Variants in KIF26B observed in about 807,000 individuals in gnomAD.
KIF26B encodes the protein kinesin family member 26B.
KIF26B carries 63 observed loss-of-function variants against 151.2 expected under a neutral mutation model. The observed-to-expected ratio is 0.42, with a 90% CI of 0.34 to 0.51. The LOEUF is 0.51. KIF26B is among the 20% of genes least tolerant of loss of function. The pLI is 0.07. For missense variants in KIF26B, 2,813 were observed against 2,913.6 expected, an observed-to-expected ratio of 0.97 and a Z score of 0.79; for synonymous variants, 1,357 against 1,262.1, an observed-to-expected ratio of 1.08 and a Z score of -1.59.
intron 4 of KIF26B, among the ~76,000 whole-genome samples, chr1:245,476,561 G>A (rs1317637135): frequency 6.7e-6 from 1 of 149,148 alleles, no homozygotes. Flanking sequence ...CTTGAGACAG[G>A]GTCTTGCTCT....
rs2147952134 is a variant in KIF26B at position 245,684,172 on chromosome 1, T to C, written c.2259-61T>C. On this transcript the variant is annotated intron_variant, in intron 10 of 14. Transcript: ENST00000407071. The stretch of plus-strand genomic sequence containing the variant: ...ATGGCCGTGTGCAGGCCTGAAGCCC[T>C]GCCCTGAGGGCCACAGGGAAGCATG... 13 of 1,568,250 alleles carry C rather than the reference T, an allele frequency of 8.3e-6. No homozygotes were observed. In the South Asian group the frequency reaches 1.5e-4, roughly 18 times the overall value.
At chr1:245,568,172 G>A (rs1244842748) in intron 5 of KIF26B, among the ~76,000 whole-genome samples, 1 of 100,214 alleles carries the variant, frequency 1.0e-5, no homozygotes, top group African/African-American at 4.0e-5. Context: ...GCAACAGAGT[G>A]AAACTCCATC....
chr1:245,592,076 T>C (rs571604347), intron 5 of KIF26B, among the ~76,000 whole-genome samples: 1 of 152,328 alleles, frequency 6.6e-6, no homozygotes, highest in South Asian at 2.1e-4. Flanking sequence ...CACATCTCAT[T>C]ACCGGGCTCC....
chr1:245,331,188 G>A (rs1050412694), intron 2 of KIF26B, among the ~76,000 whole-genome samples: 4 of 152,052 alleles, frequency 2.6e-5, no homozygotes, highest in African/African-American at 7.3e-5. Flanking sequence ...CTCATTCCGC[G>A]CGAGTGACCG....
intron 5 of KIF26B, among the ~76,000 whole-genome samples, chr1:245,593,229 T>G (rs1164365128): frequency 6.6e-6 from 1 of 152,210 alleles, no homozygotes; most frequent in African/African-American, 2.4e-5. Flanking sequence ...TGTGCAGGTT[T>G]GTTACATAGG....
intron 2 of KIF26B, among the ~76,000 whole-genome samples, chr1:245,178,353 C>CT (rs199587695): frequency 5.3e-4 from 81 of 151,828 alleles, no homozygotes; most frequent in African/African-American, 1.9e-3. Context: ...TTGGGCTTTG[C>CT]TTTTTTTTCA....
chr1:245,688,975 T>C (rs1436310857), intron 12 of KIF26B, among the ~76,000 whole-genome samples, 168 bp downstream of exon 12: 1 of 151,608 alleles, frequency 6.6e-6, no homozygotes, highest in African/African-American at 2.4e-5. Context: ...TCCCGTGCCC[T>C]GGGGAGGGGG....
At chr1:245,316,366 C>T (rs545918963) in intron 2 of KIF26B, among the ~76,000 whole-genome samples, 15 of 152,100 alleles carry the variant, frequency 9.9e-5, no homozygotes, top group South Asian at 4.2e-4. Context: ...CCAGGTGATC[C>T]GCCTGCCTCG....
intron 2 of KIF26B, among the ~76,000 whole-genome samples, chr1:245,285,998 T>TG (rs1433905186): frequency 9.0e-6 from 1 of 110,834 alleles, no homozygotes; most frequent in Non-Finnish European, 1.8e-5. Context: ...ACCCTCTCTC[T>TG]AAAAAAAAAA....
chr1:245,212,225 G>T (rs1428872402), intron 2 of KIF26B, among the ~76,000 whole-genome samples: 1 of 152,180 alleles, frequency 6.6e-6, no homozygotes, highest in Non-Finnish European at 1.5e-5. Context: ...ACTTGGGAGA[G>T]AAGTGTCTTT....
intron 3 of KIF26B, among the ~76,000 whole-genome samples, chr1:245,401,731 G>A (rs185835021): frequency 3.9e-5 from 6 of 152,266 alleles, no homozygotes; most frequent in South Asian, 2.1e-4. Flanking sequence ...TTATCTGGGC[G>A]TGGTGGCACA....
At chr1:245,219,204 T>C (rs1249247763) in intron 2 of KIF26B, among the ~76,000 whole-genome samples, 1 of 133,128 alleles carries the variant, frequency 7.5e-6, no homozygotes, top group Non-Finnish European at 1.5e-5. Context: ...AGTGATGCGA[T>C]CTCAGCTCAC....
rs2044877582 is a variant in KIF26B at position 245,709,249 on chromosome 1, G to C, written c.*6643G>C. On this transcript the variant is annotated 3_prime_UTR_variant, in exon 15 of 15. Coordinates refer to ENST00000407071, the MANE Select transcript of KIF26B (RefSeq NM_018012.4). Reference sequence around the variant, plus strand: ...AACAGTCCAGAAAAAAAGAGTTATAGTTCTCACAAACTGGTGACATGAATC... The same window carrying C: ...AACAGTCCAGAAAAAAAGAGTTATACTTCTCACAAACTGGTGACATGAATC... 1 of 152,160 alleles carries C rather than the reference G, an allele frequency of 6.6e-6. No homozygotes were observed. The highest frequency in any genetic ancestry group is 6.5e-5 in the Admixed American group (1 of 15,282). The allele number at this position is 152,160 out of a possible 1,614,324, so 9.4% of individuals were successfully genotyped here.
At chr1:245,365,844 G>A (rs1483672427) in intron 2 of KIF26B, among the ~76,000 whole-genome samples, 1 of 152,136 alleles carries the variant, frequency 6.6e-6, no homozygotes, top group Non-Finnish European at 1.5e-5. Flanking sequence ...GTTGTCTGAG[G>A]TCACTGCAGA....
intron 2 of KIF26B, among the ~76,000 whole-genome samples, chr1:245,359,874 C>CTTTCTTTCTTT (rs992624473): frequency 7.2e-4 from 100 of 139,604 alleles, no homozygotes; most frequent in African/African-American, 2.5e-3. Context: ...TTCTTTCTTT[C>CTTTCTTTCTTT]TTTTTTTTTT....
At chr1:245,213,881 G>A (rs969246517) in intron 2 of KIF26B, among the ~76,000 whole-genome samples, 4 of 152,136 alleles carry the variant, frequency 2.6e-5, no homozygotes, top group Non-Finnish European at 5.9e-5. Flanking sequence ...TACCTGGAAC[G>A]TACATTTTTC....
chr1:245,281,299 A>G lies in KIF26B; in HGVS notation c.466-85535A>G, dbSNP rs1349566115. 1.2e-4 allele frequency among the ~76,000 whole-genome samples: 9 copies of G among 73,236 alleles called. 2 individuals are homozygous for G. The highest frequency in any genetic ancestry group is 5.4e-4 in the African/African-American group (8 of 14,738). 48.0% of individuals were successfully genotyped at this position (73,236 alleles called of 152,430 possible). A position where few individuals can be genotyped will look rare whatever the true frequency, so the allele number is the denominator to read the frequency against. Reference sequence around the variant, plus strand: ...CTGACTTTTTAATGATTGCCATTCTAACTGGTGTGAGATGGTATCTCATTG... The same window carrying G: ...CTGACTTTTTAATGATTGCCATTCTGACTGGTGTGAGATGGTATCTCATTG... On this transcript the variant is annotated intron_variant, in intron 2 of 14. Coordinates refer to ENST00000407071, the MANE Select transcript of KIF26B (RefSeq NM_018012.4).
At chr1:245,444,065 G>A (rs866148542) in intron 4 of KIF26B, among the ~76,000 whole-genome samples, 17 of 135,042 alleles carry the variant, frequency 1.3e-4, no homozygotes, top group African/African-American at 2.6e-4. Context: ...TTCACCCTGC[G>A]GTCATCTCCC....
chr1:245,192,114 T>C (rs1669120036), intron 2 of KIF26B, among the ~76,000 whole-genome samples: 1 of 152,110 alleles, frequency 6.6e-6, no homozygotes, highest in East Asian at 1.9e-4. Context: ...TTAAAAAAAA[T>C]AATTATAAAG....
Sources: allele counts gnomAD v4.1 joint callset (sites outside exome capture counted in the v4.1 genomes callset), GRCh38; gene constraint gnomAD v4.1.1; transcripts MANE v1.5; gene names NCBI Gene and HGNC (gene_info 2026-07-23, HGNC 2026-07-21).